The following PIK3C2G variants were observed in gnomAD, a reference collection of about 807,000 sequenced individuals.
PIK3C2G encodes phosphatidylinositol 3-kinase C2 domain-containing subunit gamma.
PIK3C2G carries 168 observed loss-of-function variants against 181.1 expected under a neutral mutation model. That is an observed-to-expected ratio of 0.93 (90% CI 0.82 to 1.05). PIK3C2G has a LOEUF of 1.05. Among genes scored for constraint, PIK3C2G ranks in the 50% least tolerant of loss-of-function variants. The pLI, the probability that PIK3C2G is intolerant of heterozygous loss-of-function variation, is 0.00. For missense variants in PIK3C2G, 1,869 were observed against 1,732.8 expected (o/e 1.08, Z -1.40); for synonymous variants, 573 against 592.2 (o/e 0.97, Z 0.47).
At chr12:18,723,237 T>C in the PIK3C2G span, 85 of 1,329,768 alleles carry the variant, frequency 6.4e-5, no homozygotes, top group Non-Finnish European at 8.3e-5. Flanking sequence ...TACTTTGCTT[T>C]GAAATAATTT....
chr12:18,651,248 C>A (rs114128148), downstream of PIK3C2G, among the ~76,000 whole-genome samples: 1,201 of 152,026 alleles, frequency 7.9e-3, 7 homozygotes, highest in African/African-American at 0.028. Context: ...GCCCTGTATC[C>A]ATTTGCCTAG....
intron 14 of PIK3C2G, among the ~76,000 whole-genome samples, chr12:18,384,892 A>T (rs1943068687): frequency 6.6e-6 from 1 of 152,216 alleles, no homozygotes; most frequent in Non-Finnish European, 1.5e-5. Context: ...CATGATTTTA[A>T]TTGGTGATGC....
chr12:18,710,261 AT>A, the PIK3C2G span, among the ~76,000 whole-genome samples: 4 of 149,410 alleles, frequency 2.7e-5, no homozygotes, highest in South Asian at 4.3e-4. Context: ...GACTGTCACT[AT>A]TTTTTTTAAT....
At chr12:18,419,193 G>A (rs754898992) in intron 16 of PIK3C2G, among the ~76,000 whole-genome samples, 21 of 152,102 alleles carry the variant, frequency 1.4e-4, no homozygotes, top group Non-Finnish European at 2.8e-4. Context: ...CATTCTAGTG[G>A]AAATAAACAC....
intron 23 of PIK3C2G, among the ~76,000 whole-genome samples, chr12:18,504,002 C>T (rs1267845426): frequency 6.6e-6 from 1 of 152,082 alleles, no homozygotes; most frequent in African/African-American, 2.4e-5. Flanking sequence ...GTCCTTGGTC[C>T]ACTTGCCAAG....
the PIK3C2G span, among the ~76,000 whole-genome samples, chr12:18,707,782 G>C: frequency 1.3e-5 from 2 of 152,132 alleles, no homozygotes; most frequent in Non-Finnish European, 2.9e-5. Context: ...CTGCAAAACT[G>C]AGTCACCTTG....
In PIK3C2G at chr12:18,505,295, T is replaced by G; in HGVS notation, c.3157T>G (p.Leu1053Val). 3 of 1,594,938 alleles carry G rather than the reference T, an allele frequency of 1.9e-6. No homozygotes were observed. Among genetic ancestry groups the G allele is most frequent in the Non-Finnish European group, 2.6e-6 (3 of 1,169,398 alleles). The change falls in exon 24 of 33, where the codon TTG becomes GTG. Residue 1053 changes from leucine (L) to valine (V), a missense_variant. Leu to Val is a conservative substitution (Grantham distance 32). Coordinates refer to ENST00000538779, the MANE Select transcript of PIK3C2G (RefSeq NM_001288772.2). ...TGATTGTTTTTCAATGAATTAGGCC[T>G]TGAGGAACTTTTTCTACTCCTGTGC... is the stretch of plus-strand genomic sequence containing the variant. ...NHLKADYEKA[L>V]RNFFYSCAGW... is the part of the protein sequence containing the mutation.
At chr12:18,524,887 T>TA (rs1225304386) in intron 24 of PIK3C2G, among the ~76,000 whole-genome samples, 57 of 151,958 alleles carry the variant, frequency 3.8e-4, no homozygotes, top group Admixed American at 1.2e-3. Context: ...TTTTCTTGTT[T>TA]AAAAAACAGA....
chr12:18,561,953 C>T (rs1048416275), intron 26 of PIK3C2G, among the ~76,000 whole-genome samples: 5 of 151,494 alleles, frequency 3.3e-5, no homozygotes, highest in Admixed American at 2.0e-4. Context: ...GAAAGTTGAG[C>T]CATAAGTGTT....
chr12:18,579,985 T>C (rs1180114567), intron 29 of PIK3C2G, among the ~76,000 whole-genome samples: 1 of 151,820 alleles, frequency 6.6e-6, no homozygotes. Flanking sequence ...ATACAAAAAT[T>C]AGCCAGGCGT....
chr12:18,432,404 T>C (rs938001130), intron 18 of PIK3C2G, among the ~76,000 whole-genome samples: 3 of 152,172 alleles, frequency 2.0e-5, no homozygotes, highest in African/African-American at 7.2e-5. Context: ...CTGAGCTTCC[T>C]AATCCACTGT....
At position 18,636,911 on chromosome 12, in the gene PIK3C2G, C is replaced by A. The variant is rs143339433; in HGVS notation, c.4183-3518C>A. Among the ~76,000 whole-genome samples the A allele has an allele frequency of 5.1e-3, 778 of 152,272 alleles. 9 individuals carry two copies. Among genetic ancestry groups the A allele is most frequent in the African/African-American group, 0.017 (706 of 41,566 alleles). ...CCGTAATAGCCCTCACTTCACAGGT[C>A]AGGAAACCAATGTGAGGGCTCTGTG... On this transcript the variant is annotated intron_variant, in intron 31 of 32. Coordinates refer to ENST00000538779, the MANE Select transcript of PIK3C2G (RefSeq NM_001288772.2).
intron 6 of PIK3C2G, chr12:18,320,071 A>G (rs1368761373): frequency 1.3e-5 from 2 of 152,232 alleles, no homozygotes; most frequent in Non-Finnish European, 2.9e-5. Flanking sequence ...ACATTGGGCC[A>G]TATGAAGGTT....
At chr12:18,343,205 G>T (rs1422671206) in intron 9 of PIK3C2G, 122 bp from the exon 10 acceptor site, 6 of 613,158 alleles carry the variant, frequency 9.8e-6, no homozygotes, top group African/African-American at 3.9e-5. Flanking sequence ...ATGATGCCAA[G>T]AAATATTTTG....
chr12:18,555,676 T>C lies in PIK3C2G; in HGVS notation c.3591-7027T>C, dbSNP rs79785449. Among the ~76,000 whole-genome samples, 886 of 152,292 alleles carry C rather than the reference T, an allele frequency of 5.8e-3. 6 individuals are homozygous for C. The highest frequency in any genetic ancestry group is 0.021 in the African/African-American group (853 of 41,560). On this transcript the variant is annotated intron_variant, in intron 26 of 32. Transcript: ENST00000538779. ...TTGGCAGCTAGAAATATGTTACATT[T>C]TTTTTACCTAAGGGTTATTTCTATG...
intron 31 of PIK3C2G, among the ~76,000 whole-genome samples, chr12:18,637,232 A>C (rs935616969): frequency 6.6e-6 from 1 of 152,100 alleles, no homozygotes; most frequent in South Asian, 2.1e-4. Flanking sequence ...AAAGATTAAC[A>C]GTATAAATTT....
intron 30 of PIK3C2G, among the ~76,000 whole-genome samples, chr12:18,606,919 G>A (rs548430712): frequency 2.0e-5 from 3 of 152,004 alleles, no homozygotes; most frequent in South Asian, 2.1e-4. Flanking sequence ...ACGATGTTGC[G>A]ATACAAATCA....
intron 29 of PIK3C2G, among the ~76,000 whole-genome samples, chr12:18,593,356 C>G (rs961239950): frequency 6.6e-6 from 1 of 151,728 alleles, no homozygotes; most frequent in Non-Finnish European, 1.5e-5. Flanking sequence ...AGCTGTGTGT[C>G]TGTAGATTTT....
At chr12:18,573,887 C>T (rs1277158676) in intron 29 of PIK3C2G, among the ~76,000 whole-genome samples, 1 of 152,186 alleles carries the variant, frequency 6.6e-6, no homozygotes, top group Non-Finnish European at 1.5e-5. Flanking sequence ...GGGCTGTTTG[C>T]TGCTACCCAC....
Sources: gnomAD v4.1 joint callset for allele counts (sites outside exome capture counted in the v4.1 genomes callset) on GRCh38, gnomAD v4.1.1 for gene constraint, MANE v1.5 for transcripts, NCBI Gene and HGNC (gene_info 2026-07-23, HGNC 2026-07-21) for gene names.